The following TMEM216 variants were observed in gnomAD, a reference collection of about 807,000 sequenced individuals.
TMEM216 encodes cerebello-oculo-renal syndrome 2.
A neutral mutation model predicts 17.8 loss-of-function variants in TMEM216; 15 were observed. The observed-to-expected ratio is 0.84, with a 90% CI of 0.56 to 1.30. TMEM216 has a LOEUF of 1.30. Ranked by LOEUF, TMEM216 falls within the 50% of genes most tolerant of loss-of-function variation. The pLI is 0.00. For synonymous variants in TMEM216, 58 were observed against 73.5 expected, an observed-to-expected ratio of 0.79 and a Z score of 1.08; for missense variants, 160 against 175.7, an observed-to-expected ratio of 0.91 and a Z score of 0.51.
Position 61,394,077 on chromosome 11 carries a change from A to G in TMEM216, c.229+101A>G. ...ACATAACCTAGGTTGACTATCATAG[A>G]CTGGATCTGTATATCCTATTACTCC... On this transcript the variant is annotated intron_variant, in intron 3 of 4. Coordinates refer to ENST00000515837, the MANE Select transcript of TMEM216 (RefSeq NM_001173990.3). The G allele has an allele frequency of 4.6e-6, 5 of 1,076,266 alleles. No homozygotes were observed. The Admixed American group carries it at 7.0e-5, about 15-fold the overall frequency. The allele number at this position is 1,076,266 out of a possible 1,614,324, so 66.7% of individuals were successfully genotyped here. A position where few individuals can be genotyped will look rare whatever the true frequency, so the allele number is the denominator to read the frequency against.
chr11:61,392,648 T>C lies in TMEM216; in HGVS notation c.17T>C (p.Leu6Pro). 6.5e-7 allele frequency: 1 copy of C among 1,533,942 alleles called. No individual in the cohort carries two copies. Among genetic ancestry groups the C allele is most frequent in the South Asian group, 1.2e-5 (1 of 84,030 alleles). The change falls in exon 1 of 5, where the codon CTG becomes CCG. Residue 6 changes from leucine (L) to proline (P), a missense_variant. Physicochemically the swap from Leu to Pro is moderately conservative, Grantham distance 98. Coordinates refer to ENST00000515837, the MANE Select transcript of TMEM216 (RefSeq NM_001173990.3). MLPRG[L>P]KMAPRGKRLS... ...TGGCAGCGTATGCTGCCACGGGGAC[T>C]GAAGATGGCGCCGCGAGGTGAGATT...
chr11:61,395,671 G>A (rs1019421401), intron 3 of TMEM216, among the ~76,000 whole-genome samples: 1 of 151,608 alleles, frequency 6.6e-6, no homozygotes, highest in Non-Finnish European at 1.5e-5. Context: ...AGGAGGCAGA[G>A]GTTGCAGTGA....
In TMEM216 at chr11:61,392,948, A is replaced by G. The variant is rs573490795; in HGVS notation, c.34+283A>G. 7 of 894,542 alleles carry G rather than the reference A, an allele frequency of 7.8e-6. No individual in the cohort carries two copies. In the South Asian group the frequency reaches 2.6e-4, roughly 33 times the overall value. 55.4% of individuals were successfully genotyped at this position (894,542 alleles called of 1,614,324 possible). ...CCAACTTCCCCTCCCAAATAGTGAC[A>G]GAGTGAGATCTTTGAGATGTCTGTC... On this transcript the variant is annotated intron_variant, in intron 1 of 4. Transcript: ENST00000515837.
At chr11:61,396,640 G>A (rs1177196878) in intron 3 of TMEM216, among the ~76,000 whole-genome samples, 1 of 150,908 alleles carries the variant, frequency 6.6e-6, no homozygotes, top group Non-Finnish European at 1.5e-5. Flanking sequence ...TAAAAAATAC[G>A]AAAATCAGCT....
At chr11:61,394,732 T>C (rs1211589800) in intron 3 of TMEM216, among the ~76,000 whole-genome samples, 1 of 150,948 alleles carries the variant, frequency 6.6e-6, no homozygotes, top group Admixed American at 6.6e-5. Context: ...AGTGGCACCA[T>C]CTCGGCTCAC....
At chr11:61,396,531 G>A (rs765902255) in intron 3 of TMEM216, among the ~76,000 whole-genome samples, 1 of 151,948 alleles carries the variant, frequency 6.6e-6, no homozygotes, top group Non-Finnish European at 1.5e-5. Context: ...AGTGGCTCAC[G>A]CCTGTAATCT....
chr11:61,392,990 T>G, intron 1 of TMEM216: 1 of 667,156 alleles, frequency 1.5e-6, no homozygotes, highest in African/African-American at 2.0e-5. Context: ...GAGTTACCTC[T>G]TGACTTTTAT....
rs1365805182 is a variant in TMEM216 at position 61,393,334 on chromosome 11, TAAGG to T, written c.136+7_136+10del. The T allele has an allele frequency of 2.0e-6, 3 of 1,527,964 alleles. No homozygotes were observed. Among genetic ancestry groups the T allele is most frequent in the Non-Finnish European group, 2.6e-6 (3 of 1,139,470 alleles). The allele number at this position is 1,527,964 out of a possible 1,614,324, so 94.7% of individuals were successfully genotyped here. A position where few individuals can be genotyped will look rare whatever the true frequency, so the allele number is the denominator to read the frequency against. ...AACTTTTCATATTTCTGTATAAAGG[TAAGG>T]AAGGCTTGGGGCTTGACGACAGCAT... On this transcript the variant is annotated splice_donor_5th_base_variant and intron_variant, in intron 2 of 4. Transcript: ENST00000515837.
intron 3 of TMEM216, 57 bp from the exon 4 acceptor site, chr11:61,397,717 C>T: frequency 6.5e-7 from 1 of 1,544,548 alleles, no homozygotes; most frequent in South Asian, 1.1e-5. Flanking sequence ...CACGCCTTTC[C>T]CCTGGGCCAG....
chr11:61,392,694 G>T, intron 1 of TMEM216, 29 bp downstream of exon 1: 2 of 1,536,074 alleles, frequency 1.3e-6, no homozygotes, highest in Non-Finnish European at 1.7e-6. Context: ...GTGAGTCGCT[G>T]GTCCCTTTCC....
At chr11:61,395,973 T>C (rs1304608757) in intron 3 of TMEM216, among the ~76,000 whole-genome samples, 2 of 152,194 alleles carry the variant, frequency 1.3e-5, no homozygotes, top group South Asian at 4.1e-4. Flanking sequence ...GTAGTAGTTA[T>C]TACTGTGTAA....
Position 61,392,614 on chromosome 11 carries a change from G to C in TMEM216, c.-18G>C. On this transcript the variant is annotated 5_prime_UTR_variant, in exon 1 of 5. Transcript: ENST00000515837. The stretch of plus-strand genomic sequence containing the variant: ...TTCCGGCAGCGCCGCGCTGCTCCGG[G>C]AGCCGCTGTGGCAGCGTATGCTGCC... 1 of 1,535,708 alleles carries C rather than the reference G, an allele frequency of 6.5e-7. No individual in the cohort carries two copies. The highest frequency in any genetic ancestry group is 8.7e-7 in the Non-Finnish European group (1 of 1,146,728).
rs1454482572 is a variant in TMEM216 at position 61,393,325 on chromosome 11, G to A, written c.129G>A (p.Leu43=). The A allele has an allele frequency of 6.5e-7, 1 of 1,533,632 alleles. No individual in the cohort carries two copies. Among genetic ancestry groups the A allele is most frequent in the Non-Finnish European group, 8.7e-7 (1 of 1,144,824 alleles). ...TYFLLELFIF[L]YKGVLLPYPT... is the part of the protein sequence containing the mutation. ...TCCTGCTGGAACTTTTCATATTTCT[G>A]TATAAAGGTAAGGAAGGCTTGGGGC... The change falls in exon 2 of 5, where the codon CTG becomes CTA. Residue 43 remains leucine (L), a synonymous_variant. Transcript: ENST00000515837.
At chr11:61,397,711 C>T in intron 3 of TMEM216, 63 bp from the exon 4 acceptor site, 1 of 1,499,640 alleles carries the variant, frequency 6.7e-7, no homozygotes, top group Non-Finnish European at 9.2e-7. Flanking sequence ...ATCTCCCACG[C>T]CTTTCCCCTG....
At chr11:61,392,732 C>T in intron 1 of TMEM216, 67 bp downstream of exon 1, 1 of 1,535,614 alleles carries the variant, frequency 6.5e-7, no homozygotes, top group Non-Finnish European at 8.7e-7. Flanking sequence ...CACCTCTGTC[C>T]CAGAGCTTGA....
intron 1 of TMEM216, chr11:61,393,028 G>C: frequency 2.1e-6 from 1 of 483,438 alleles, no homozygotes; most frequent in Non-Finnish European, 2.7e-6. Flanking sequence ...CGAGTTTCAC[G>C]GTGATTCCTA....
Position 61,393,948 on chromosome 11 carries a change from T to A in TMEM216, c.201T>A (p.Leu67=), listed in dbSNP as rs1157438695. Residue 67 remains leucine, a synonymous_variant, in exon 3 of 5, where the codon CTT becomes CTA. Transcript: ENST00000515837. ...ATGTGGTGATGCTCCTCCTTTATCT[T>A]GGAATTGAAGTAATTCGCCTGTTTT... ...VLDVVMLLLY[L]GIEVIRLFFG... is the part of the protein sequence containing the mutation. 6.2e-7 allele frequency: 1 copy of A among 1,614,042 alleles called. No individual in the cohort carries two copies. Among genetic ancestry groups the A allele is most frequent in the African/African-American group, 1.3e-5 (1 of 75,074 alleles).
In TMEM216 at chr11:61,392,653, A is replaced by G. The variant is rs1565087993; in HGVS notation, c.22A>G (p.Met8Val). MLPRGLK[M>V]APRGKRLSST... ...GCGTATGCTGCCACGGGGACTGAAGATGGCGCCGCGAGGTGAGATTCCGGA... is the reference window on the plus strand; with the variant it reads ...GCGTATGCTGCCACGGGGACTGAAGGTGGCGCCGCGAGGTGAGATTCCGGA... The change falls in exon 1 of 5, where the codon ATG becomes GTG. Residue 8 changes from methionine (M) to valine (V), a missense_variant. Physicochemically the swap from Met to Val is conservative, Grantham distance 21. Transcript: ENST00000515837. The G allele has an allele frequency of 6.5e-6, 10 of 1,535,794 alleles. No homozygotes were observed. The Admixed American group carries it at 1.2e-4, about 18-fold the overall frequency.
At chr11:61,398,062 G>A in intron 4 of TMEM216, 87 bp downstream of exon 4, 1 of 1,529,064 alleles carries the variant, frequency 6.5e-7, no homozygotes, top group South Asian at 1.1e-5. Context: ...GAAGCCTAAG[G>A]GGTCTAGAAG....
Sources: gnomAD v4.1 joint callset for allele counts (sites outside exome capture counted in the v4.1 genomes callset) on GRCh38, gnomAD v4.1.1 for gene constraint, MANE v1.5 for transcripts, NCBI Gene and HGNC (gene_info 2026-07-23, HGNC 2026-07-21) for gene names.